The following MAF variants were observed in gnomAD, a reference collection of about 807,000 sequenced individuals.
MAF encodes MAF bZIP transcription factor, also known as transcription factor Maf.
MAF carries 10 observed loss-of-function variants against 22.0 expected under a neutral mutation model. That is an observed-to-expected ratio of 0.45 (90% confidence interval 0.28 to 0.77). The LOEUF is 0.77. Ranked by LOEUF, MAF falls within the 30% of genes least tolerant of loss-of-function variation. MAF has a pLI of 0.12. For synonymous variants in MAF, 337 were observed against 255.8 expected, an observed-to-expected ratio of 1.32 and a Z score of -3.03; for missense variants, 544 against 548.4, an observed-to-expected ratio of 0.99 and a Z score of 0.08.
At chr16:79,332,523 C>T in the MAF span, among the ~76,000 whole-genome samples, 8 of 152,206 alleles carry the variant, frequency 5.3e-5, no homozygotes, top group Non-Finnish European at 1.0e-4. Flanking sequence ...TGGCTTCAAA[C>T]TCCTGACTTC....
chr16:79,565,002 G>C, the MAF span, among the ~76,000 whole-genome samples: 1 of 152,146 alleles, frequency 6.6e-6, no homozygotes, highest in East Asian at 1.9e-4. Flanking sequence ...CTTGAGAATG[G>C]TGGAGCTGGG....
chr16:79,591,988 A>G (rs1028089441), downstream of MAF, among the ~76,000 whole-genome samples: 3 of 152,218 alleles, frequency 2.0e-5, no homozygotes, highest in Non-Finnish European at 4.4e-5. Flanking sequence ...TGGACAGCCG[A>G]GCCTAGTTTA....
chr16:79,468,307 C>T, the MAF span, among the ~76,000 whole-genome samples: 1 of 152,184 alleles, frequency 6.6e-6, no homozygotes, highest in Non-Finnish European at 1.5e-5. Context: ...CTGCCCTGGG[C>T]CGGCCAGACG....
the MAF span, among the ~76,000 whole-genome samples, chr16:79,248,937 AAC>A: frequency 2.0e-5 from 3 of 152,216 alleles, no homozygotes; most frequent in Admixed American, 1.3e-4. Context: ...ATTGGGTAAG[AAC>A]ATTTAAAAAT....
chr16:79,226,966 C>G, the MAF span, among the ~76,000 whole-genome samples: 1 of 151,950 alleles, frequency 6.6e-6, no homozygotes, highest in Non-Finnish European at 1.5e-5. Context: ...TTCCCAGGAA[C>G]AGGATGGGGA....
chr16:79,319,032 A>C, the MAF span, among the ~76,000 whole-genome samples: 1 of 152,108 alleles, frequency 6.6e-6, no homozygotes, highest in East Asian at 1.9e-4. Context: ...GGAAAACCGG[A>C]AAATTCACTT....
chr16:79,352,031 C>T, the MAF span, among the ~76,000 whole-genome samples: 2 of 152,132 alleles, frequency 1.3e-5, no homozygotes, highest in African/African-American at 2.4e-5. Flanking sequence ...TGGTTCTTGC[C>T]TCTGGATCTG....
chr16:79,318,443 G>A, the MAF span, among the ~76,000 whole-genome samples: 1 of 152,130 alleles, frequency 6.6e-6, no homozygotes, highest in Non-Finnish European at 1.5e-5. Context: ...CTCCATCCAT[G>A]GGAAAATGCA....
chr16:79,232,826 G>T, the MAF span, among the ~76,000 whole-genome samples: 22 of 148,130 alleles, frequency 1.5e-4, no homozygotes, highest in African/African-American at 4.7e-4. Context: ...TTATTGTAAA[G>T]ATAAGCCATT....
the MAF span, among the ~76,000 whole-genome samples, chr16:79,226,091 G>A: frequency 1.3e-5 from 2 of 152,154 alleles, no homozygotes; most frequent in Non-Finnish European, 2.9e-5. Flanking sequence ...TATGTTTATT[G>A]CAGTACTGTG....
chr16:79,473,376 G>C, the MAF span, among the ~76,000 whole-genome samples: 1 of 152,086 alleles, frequency 6.6e-6, no homozygotes. Context: ...AACAATTCAG[G>C]GTCCGTCCTA....
At chr16:79,319,179 T>G in the MAF span, among the ~76,000 whole-genome samples, 2 of 152,134 alleles carry the variant, frequency 1.3e-5, no homozygotes, top group Non-Finnish European at 2.9e-5. Context: ...ATGCCTACTT[T>G]GGGGAGGTGG....
At chr16:79,211,992 T>G in the MAF span, 1 of 1,535,116 alleles carries the variant, frequency 6.5e-7, no homozygotes. Flanking sequence ...GTATCACTTT[T>G]CTGGGGCTGG....
chr16:79,594,144 A>G lies in MAF; in HGVS notation c.*316T>C, dbSNP rs1202067348. 3.0e-6 allele frequency: 1 copy of G among 327,994 alleles called. No homozygotes were observed. The highest frequency in any genetic ancestry group is 8.9e-4 in the Middle Eastern group (1 of 1,122). 20.3% of individuals were successfully genotyped at this position (327,994 alleles called of 1,614,324 possible). A position where few individuals can be genotyped will look rare whatever the true frequency, so the allele number is the denominator to read the frequency against. On this transcript the variant is annotated 3_prime_UTR_variant, in exon 2 of 2. Coordinates refer to ENST00000326043, the MANE Select transcript of MAF (RefSeq NM_005360.5). Reference sequence around the variant, plus strand: ...ATTGTTGCATTCCGGGAAACTTTCCATTATATATATGCATATATATGTATC... The same window carrying G: ...ATTGTTGCATTCCGGGAAACTTTCCGTTATATATATGCATATATATGTATC...
chr16:79,599,315 C>T lies in MAF; in HGVS notation c.588G>A (p.Thr196=), dbSNP rs1446196122. Residue 196 remains threonine (T), a synonymous_variant, in exon 1 of 2, where the codon ACG becomes ACA. Coordinates refer to ENST00000326043, the MANE Select transcript of MAF (RefSeq NM_005360.5). The part of the protein sequence containing the change: ...HHAAGHHHHP[T]AGAPGAAGSA... ...TGCCCGCGGCGCCGGGCGCGCCGGC[C>T]GTCGGGTGGTGGTGGTGGCCGGCGG... The T allele has an allele frequency of 3.1e-6, 3 of 983,408 alleles. No individual in the cohort carries two copies. Among genetic ancestry groups the T allele is most frequent in the Non-Finnish European group, 3.6e-6 (3 of 830,468 alleles). The allele number at this position is 983,408 out of a possible 1,614,324, so 60.9% of individuals were successfully genotyped here. A position where few individuals can be genotyped will look rare whatever the true frequency, so the allele number is the denominator to read the frequency against.
At chr16:79,397,336 G>T in the MAF span, among the ~76,000 whole-genome samples, 3 of 152,130 alleles carry the variant, frequency 2.0e-5, no homozygotes, top group African/African-American at 7.2e-5. Context: ...ATGCTGCTTT[G>T]TTCTTTAAAT....
chr16:79,288,704 T>C, the MAF span, among the ~76,000 whole-genome samples: 12,227 of 152,178 alleles, frequency 0.08, 790 homozygotes, highest in East Asian at 0.33. Flanking sequence ...GGAAGGACAT[T>C]CCAGGTGGAA....
At chr16:79,545,984 G>T in the MAF span, among the ~76,000 whole-genome samples, 1 of 151,948 alleles carries the variant, frequency 6.6e-6, no homozygotes, top group Non-Finnish European at 1.5e-5. Flanking sequence ...CTATTTCACA[G>T]TGTAAACATA....
At chr16:79,582,430 T>A (rs929662104), downstream of MAF, among the ~76,000 whole-genome samples, 1 of 152,224 alleles carries the variant, frequency 6.6e-6, no homozygotes, top group East Asian at 1.9e-4. Context: ...ATGCTTAATG[T>A]TTCTTTAAGT....
Sources: gnomAD v4.1 joint callset for allele counts (sites outside exome capture counted in the v4.1 genomes callset) on GRCh38, gnomAD v4.1.1 for gene constraint, MANE v1.5 for transcripts, NCBI Gene and HGNC (gene_info 2026-07-23, HGNC 2026-07-21) for gene names.